The following RBFOX1 variants were observed in gnomAD, a reference collection of about 807,000 sequenced individuals.
The protein encoded by RBFOX1 is RNA binding protein fox-1 homolog 1.
A neutral mutation model predicts 57.7 loss-of-function variants in RBFOX1; 8 were observed. The ratio of observed to expected loss-of-function variants is 0.14; its 90% confidence interval spans 0.08 to 0.25. The LOEUF (loss-of-function observed/expected upper bound fraction) is 0.25, where lower values mean the gene tolerates loss of function less well. Ranked by LOEUF, RBFOX1 falls within the 10% of genes least tolerant of loss-of-function variation. The pLI, the probability that RBFOX1 is intolerant of heterozygous loss-of-function variation, is 1.00. For missense variants in RBFOX1, 611 were observed against 548.5 expected (o/e 1.11, Z -1.14); for synonymous variants, 326 against 222.4 (o/e 1.47, Z -4.15).
At chr16:7,204,144 C>A (rs150328946) in intron 4 of RBFOX1, among the ~76,000 whole-genome samples, 33 of 152,336 alleles carry the variant, frequency 2.2e-4, no homozygotes, top group African/African-American at 7.9e-4. Flanking sequence ...TCTGCAGATA[C>A]CTGCCAGAAG....
At chr16:5,783,050 T>G (rs1472609520) in intron 3 of RBFOX1, among the ~76,000 whole-genome samples, 1 of 152,190 alleles carries the variant, frequency 6.6e-6, no homozygotes, top group Non-Finnish European at 1.5e-5. Context: ...CACCCAGAAG[T>G]AATATTTCAC....
intron 10 of RBFOX1, among the ~76,000 whole-genome samples, chr16:7,611,005 G>T (rs1056518526): frequency 2.0e-5 from 3 of 152,124 alleles, no homozygotes; most frequent in African/African-American, 7.2e-5. Flanking sequence ...ATTTTTAGTA[G>T]GCTGGCTCTG....
chr16:7,454,104 A>C (rs150836653), intron 4 of RBFOX1, among the ~76,000 whole-genome samples: 4 of 152,172 alleles, frequency 2.6e-5, no homozygotes, highest in Non-Finnish European at 5.9e-5. Context: ...GTGGTGGCCC[A>C]TGCCTGTAAT....
chr16:7,246,315 T>A (rs113017751), intron 4 of RBFOX1, among the ~76,000 whole-genome samples: 1,630 of 152,272 alleles, frequency 0.011, 35 homozygotes, highest in African/African-American at 0.037. Flanking sequence ...GCACCCTCCC[T>A]GGATTCCCTG....
At chr16:5,640,482 C>T (rs11648140) in intron 3 of RBFOX1, among the ~76,000 whole-genome samples, 79,017 of 151,502 alleles carry the variant, frequency 0.52, 24,534 homozygotes, top group Non-Finnish European at 0.71. Context: ...ACACCATGCA[C>T]ACACATATAT....
In RBFOX1 at chr16:5,577,637, G is replaced by A. The variant is rs113517308; in HGVS notation, c.259-21265G>A. Among the ~76,000 whole-genome samples the A allele has an allele frequency of 5.6e-3, 850 of 152,194 alleles. 6 individuals are homozygous for A. The highest frequency in any genetic ancestry group is 0.024 in the Middle Eastern group (7 of 294). ...CAATCTTGAGGCCAGGTGTGGTCTC[G>A]AATGGATCATTTGCAAAATTTTAAA... On this transcript the variant is annotated intron_variant, in intron 2 of 2. Coordinates refer to the RBFOX1 transcript ENST00000585867.
At chr16:7,664,652 C>G in intron 12 of RBFOX1, 1 of 478,376 alleles carries the variant, frequency 2.1e-6, no homozygotes. Flanking sequence ...CAAAGTCGTG[C>G]CTTTCTGTAC....
At chr16:7,260,515 G>T (rs1013586026) in intron 4 of RBFOX1, among the ~76,000 whole-genome samples, 3 of 151,978 alleles carry the variant, frequency 2.0e-5, no homozygotes, top group African/African-American at 7.3e-5. Flanking sequence ...CCCGTTAACT[G>T]CTTCTAGTCT....
intron 2 of RBFOX1, among the ~76,000 whole-genome samples, chr16:6,356,922 A>T (rs904876366): frequency 6.6e-6 from 1 of 152,182 alleles, no homozygotes; most frequent in Non-Finnish European, 1.5e-5. Context: ...TAAAAATGAA[A>T]TAAGTCTATG....
At chr16:5,711,287 T>C (rs1261450782) in intron 3 of RBFOX1, among the ~76,000 whole-genome samples, 1 of 152,216 alleles carries the variant, frequency 6.6e-6, no homozygotes, top group African/African-American at 2.4e-5. Flanking sequence ...TTATCTACAT[T>C]GCTCAGATAA....
intron 4 of RBFOX1, among the ~76,000 whole-genome samples, chr16:7,298,275 G>GT (rs1281918637): frequency 2.5e-3 from 294 of 117,346 alleles, no homozygotes; most frequent in African/African-American, 5.1e-3. Flanking sequence ...TTGTGTATAG[G>GT]TTTTTTTTTG....
chr16:6,138,103 T>A (rs1223319669), intron 1 of RBFOX1, among the ~76,000 whole-genome samples: 1 of 152,224 alleles, frequency 6.6e-6, no homozygotes, highest in Non-Finnish European at 1.5e-5. Flanking sequence ...AGATCCCTGA[T>A]GTCAAACAAA....
chr16:6,279,431 T>C (rs1050291459), intron 1 of RBFOX1, among the ~76,000 whole-genome samples: 2 of 152,222 alleles, frequency 1.3e-5, no homozygotes, highest in Non-Finnish European at 2.9e-5. Context: ...TGACAATCTG[T>C]AAACAGCTTC....
intron 3 of RBFOX1, among the ~76,000 whole-genome samples, chr16:6,856,272 G>C (rs934898482): frequency 6.6e-6 from 1 of 152,086 alleles, no homozygotes; most frequent in Non-Finnish European, 1.5e-5. Context: ...TTTTTAGTAG[G>C]TGTTTTATTG....
At chr16:5,241,805 G>A (rs1452798409) in intron 1 of RBFOX1, among the ~76,000 whole-genome samples, 1 of 152,154 alleles carries the variant, frequency 6.6e-6, no homozygotes, top group Non-Finnish European at 1.5e-5. Flanking sequence ...TGCATCACAA[G>A]AGACAAGGTT....
chr16:6,747,771 T>C (rs1216356097), intron 3 of RBFOX1, among the ~76,000 whole-genome samples: 1 of 152,002 alleles, frequency 6.6e-6, no homozygotes, highest in African/African-American at 2.4e-5. Flanking sequence ...TTCCTGGGAG[T>C]TGTCAATCTA....
intron 2 of RBFOX1, among the ~76,000 whole-genome samples, chr16:5,547,159 A>T (rs147679472): frequency 1.3e-5 from 2 of 152,324 alleles, no homozygotes; most frequent in Admixed American, 6.5e-5. Flanking sequence ...ATGAGAATGT[A>T]AAATGGTATA....
At chr16:7,067,174 C>A (rs531211949) in intron 4 of RBFOX1, among the ~76,000 whole-genome samples, 4 of 152,276 alleles carry the variant, frequency 2.6e-5, no homozygotes, top group Admixed American at 2.6e-4. Flanking sequence ...GTGATCCTTT[C>A]ACCAAACCCA....
intron 4 of RBFOX1, among the ~76,000 whole-genome samples, chr16:5,896,127 C>G (rs2058158205): frequency 6.6e-6 from 1 of 152,062 alleles, no homozygotes; most frequent in Non-Finnish European, 1.5e-5. Flanking sequence ...AAGGGAGAGG[C>G]TGGAATCTGA....
Sources: gnomAD v4.1 joint callset for allele counts (sites outside exome capture counted in the v4.1 genomes callset) on GRCh38, gnomAD v4.1.1 for gene constraint, MANE v1.5 for transcripts, NCBI Gene and HGNC (gene_info 2026-07-23, HGNC 2026-07-21) for gene names.